COL21A1: variants seen among roughly 807,000 people sequenced by gnomAD.
COL21A1 encodes the protein collagen type XXI alpha 1 chain.
COL21A1 carries 149 observed loss-of-function variants against 137.9 expected under a neutral mutation model. The observed-to-expected ratio is 1.08, with a 90% CI of 0.95 to 1.24. The LOEUF is 1.24. Among genes scored for constraint, COL21A1 ranks in the 50% most tolerant of loss-of-function variants. The pLI, the probability that COL21A1 is intolerant of heterozygous loss-of-function variation, is 0.00. For synonymous variants in COL21A1, 456 were observed against 391.5 expected (o/e 1.16, Z -1.95); for missense variants, 1,167 against 1,158.4 (o/e 1.01, Z -0.11).
intron 1 of COL21A1, among the ~76,000 whole-genome samples, chr6:56,320,162 A>G (rs1023677468): frequency 2.0e-5 from 3 of 151,872 alleles, no homozygotes; most frequent in Non-Finnish European, 2.9e-5. Flanking sequence ...ATAAATAGCA[A>G]CTCCATCCTT....
intron 1 of COL21A1, among the ~76,000 whole-genome samples, chr6:56,203,163 G>A (rs901212021): frequency 6.6e-6 from 1 of 152,020 alleles, no homozygotes; most frequent in Non-Finnish European, 1.5e-5. Context: ...TCTAACTCAG[G>A]TCAAAATTTT....
chr6:56,137,596 GTC>G lies in COL21A1; in HGVS notation c.1542+4187_1542+4188del, dbSNP rs538451482. On this transcript the variant is annotated intron_variant, in intron 12 of 29. Coordinates refer to ENST00000244728, the MANE Select transcript of COL21A1 (RefSeq NM_030820.4). Reference sequence around the variant, plus strand: ...TAGATTTCTAAACTTCTACTACTGAGTCTCTGCAGTAGCTTCTCAACGACCAT... The same window carrying G: ...TAGATTTCTAAACTTCTACTACTGAGTCTGCAGTAGCTTCTCAACGACCAT... Among the ~76,000 whole-genome samples the G allele has an allele frequency of 1.6e-3, 247 of 152,256 alleles. 1 individual carries two copies. The highest frequency in any genetic ancestry group is 1.7e-3 in the Non-Finnish European group (119 of 68,016).
chr6:56,310,211 G>A (rs1271933123), intron 1 of COL21A1, among the ~76,000 whole-genome samples: 4 of 152,148 alleles, frequency 2.6e-5, no homozygotes, highest in African/African-American at 9.7e-5. Context: ...TTGAGCTAAT[G>A]AGACTTGATT....
chr6:56,259,395 T>C (rs1380316883), intron 1 of COL21A1, among the ~76,000 whole-genome samples: 1 of 152,240 alleles, frequency 6.6e-6, no homozygotes, highest in Non-Finnish European at 1.5e-5. Flanking sequence ...ATCATTCTAG[T>C]ACATTCCCAT....
chr6:56,147,325 T>C (rs1462401322), intron 10 of COL21A1, among the ~76,000 whole-genome samples: 1 of 151,934 alleles, frequency 6.6e-6, no homozygotes, highest in African/African-American at 2.4e-5. Flanking sequence ...CCCAGTAGAA[T>C]GTGAGCTTCA....
At chr6:56,278,172 C>T (rs892477473) in intron 1 of COL21A1, among the ~76,000 whole-genome samples, 2 of 151,988 alleles carry the variant, frequency 1.3e-5, no homozygotes, top group Non-Finnish European at 2.9e-5. Context: ...CTTTCCTTTC[C>T]CATAAGAATT....
At chr6:56,061,104 G>T in intron 25 of COL21A1, 67 bp from the exon 26 acceptor site, 3 of 1,355,126 alleles carry the variant, frequency 2.2e-6, no homozygotes, top group Non-Finnish European at 3.0e-6. Flanking sequence ...GCATCATGAA[G>T]CTCGTTAAGG....
intron 1 of COL21A1, among the ~76,000 whole-genome samples, chr6:56,370,754 A>G (rs541414979): frequency 3.1e-4 from 47 of 152,288 alleles, no homozygotes; most frequent in African/African-American, 1.1e-3. Context: ...TCACAGCCCA[A>G]ACAATTGCTC....
At chr6:56,111,461 C>G (rs144549242) in intron 16 of COL21A1, among the ~76,000 whole-genome samples, 312 of 152,232 alleles carry the variant, frequency 2.0e-3, no homozygotes, top group African/African-American at 7.0e-3. Context: ...TTAGTTTTGA[C>G]AAATATACCA....
At chr6:56,095,084 C>T (rs1223412300) in intron 17 of COL21A1, among the ~76,000 whole-genome samples, 2 of 152,188 alleles carry the variant, frequency 1.3e-5, no homozygotes, top group African/African-American at 4.8e-5. Flanking sequence ...TTCCTTGGAT[C>T]TGACCCACAA....
At chr6:56,240,888 G>A (rs1041388983) in intron 1 of COL21A1, among the ~76,000 whole-genome samples, 3 of 152,034 alleles carry the variant, frequency 2.0e-5, no homozygotes, top group Non-Finnish European at 4.4e-5. Flanking sequence ...TAGATTATAG[G>A]TACCTATCGC....
chr6:56,100,118 C>A (rs1324421361), intron 17 of COL21A1, among the ~76,000 whole-genome samples: 2 of 152,204 alleles, frequency 1.3e-5, no homozygotes, highest in African/African-American at 2.4e-5. Context: ...TTCTAACACG[C>A]AACAGAGACC....
intron 10 of COL21A1, among the ~76,000 whole-genome samples, chr6:56,150,497 G>A (rs527595010): frequency 1.5e-3 from 226 of 148,602 alleles, no homozygotes; most frequent in African/African-American, 5.4e-3. Flanking sequence ...CAGCCTGGGC[G>A]ACAGAGCGAG....
Position 56,077,515 on chromosome 6 carries a change from T to C in COL21A1, c.1857+14A>G. On this transcript the variant is annotated intron_variant, in intron 18 of 29. Transcript: ENST00000244728. Reference sequence around the variant, plus strand: ...GCAGATCCAGGCCCAAAGCTAACTCTCATGAATACTTACCTTTTGGCCCAT... The same window carrying C: ...GCAGATCCAGGCCCAAAGCTAACTCCCATGAATACTTACCTTTTGGCCCAT... The C allele has an allele frequency of 1.3e-6, 2 of 1,562,240 alleles. No homozygotes were observed.
At chr6:56,072,061 G>A (rs1271194257) in intron 20 of COL21A1, among the ~76,000 whole-genome samples, 1 of 151,624 alleles carries the variant, frequency 6.6e-6, no homozygotes, top group Non-Finnish European at 1.5e-5. Flanking sequence ...TTATAAGTGA[G>A]AACGTGTGAT....
intron 1 of COL21A1, among the ~76,000 whole-genome samples, chr6:56,376,188 A>G (rs1184806354): frequency 3.3e-5 from 5 of 152,224 alleles, no homozygotes; most frequent in Admixed American, 1.3e-4. Flanking sequence ...CTAACACTGT[A>G]TATCCAATAA....
intron 1 of COL21A1, among the ~76,000 whole-genome samples, chr6:56,270,432 C>G (rs1455857645): frequency 1.3e-5 from 2 of 152,160 alleles, no homozygotes; most frequent in Admixed American, 6.6e-5. Flanking sequence ...TTCCTCTTGA[C>G]TGATGAAAAG....
At chr6:56,115,910 A>G (rs184926131) in intron 16 of COL21A1, among the ~76,000 whole-genome samples, 2 of 152,190 alleles carry the variant, frequency 1.3e-5, no homozygotes, top group Non-Finnish European at 2.9e-5. Flanking sequence ...GAGTCCTTTA[A>G]TAGCAGAATG....
intron 5 of COL21A1, 89 bp from the exon 6 acceptor site, chr6:56,168,386 G>A: frequency 9.0e-7 from 1 of 1,116,404 alleles, no homozygotes; most frequent in Non-Finnish European, 1.2e-6. Context: ...CCTAACCATT[G>A]CTGAGAAACT....
Sources: allele counts gnomAD v4.1 joint callset (sites outside exome capture counted in the v4.1 genomes callset), GRCh38; gene constraint gnomAD v4.1.1; transcripts MANE v1.5; gene names NCBI Gene and HGNC (gene_info 2026-07-23, HGNC 2026-07-21).